Variants in C4orf50 observed in about 807,000 individuals in gnomAD.
C4orf50 encodes chromosome 4 open reading frame 50.
A neutral mutation model predicts 77.2 loss-of-function variants in C4orf50; 80 were observed. The observed-to-expected ratio is 1.04, with a 90% CI of 0.87 to 1.25. The LOEUF is 1.25. Ranked by LOEUF, C4orf50 falls within the 50% of genes most tolerant of loss-of-function variation. The pLI, the probability that C4orf50 is intolerant of heterozygous loss-of-function variation, is 0.00. For missense variants in C4orf50, 1,257 were observed against 1,152.9 expected (o/e 1.09, Z -1.31); for synonymous variants, 532 against 465.3 (o/e 1.14, Z -1.84).
chr4:6,015,518 G>GA lies in C4orf50; in HGVS notation c.287+2626dup, dbSNP rs11464608. On this transcript the variant is annotated intron_variant, in intron 23 of 33. Transcript: ENST00000531445. The surrounding 1 kb of genome is among the most constrained non-coding windows in gnomAD (Gnocchi z 4.4). ...TGCCATTTCATTATAATGTTGATGA[G>GA]AAAAAAAAAGATTCCCAGCCAGGGC... Among the ~76,000 whole-genome samples, 118,123 of 150,698 alleles carry GA rather than the reference G, an allele frequency of 0.78. 46,482 individuals carry two copies. The highest frequency in any genetic ancestry group is 0.99 in the East Asian group (5,059 of 5,118).
At chr4:5,949,724 C>T (rs896156432) in intron 7 of C4orf50, among the ~76,000 whole-genome samples, 4 of 152,294 alleles carry the variant, frequency 2.6e-5, no homozygotes, top group Admixed American at 6.5e-5. Context: ...CAGTGGCTCA[C>T]GTCTGTAATC....
downstream of C4orf50, among the ~76,000 whole-genome samples, chr4:5,954,307 C>T (rs114480326): frequency 8.0e-4 from 122 of 152,166 alleles, no homozygotes; most frequent in African/African-American, 2.6e-3. The surrounding 1 kb of genome is among the most constrained non-coding windows in gnomAD (Gnocchi z 4.7). Flanking sequence ...GACCCAGCCC[C>T]GGGGCTGGGC....
At chr4:5,971,571 T>C (rs565774945) in intron 31 of C4orf50, among the ~76,000 whole-genome samples, 9 of 152,246 alleles carry the variant, frequency 5.9e-5, no homozygotes, top group Middle Eastern at 3.4e-3. Flanking sequence ...TTATAGGAAA[T>C]GAATGAATCC....
At chr4:5,910,903 C>CT (rs1716774908) in intron 7 of C4orf50, among the ~76,000 whole-genome samples, 1 of 75,638 alleles carries the variant, frequency 1.3e-5, no homozygotes, top group Non-Finnish European at 2.6e-5. Context: ...TCTTCCCTTT[C>CT]TTTCTTTTTT....
chr4:6,016,247 T>C (rs1179259022), intron 23 of C4orf50, among the ~76,000 whole-genome samples: 1 of 152,186 alleles, frequency 6.6e-6, no homozygotes, highest in Non-Finnish European at 1.5e-5. Flanking sequence ...TCAATTAGCC[T>C]ATGGTCAAAT....
chr4:5,926,872 C>G (rs1436286696), intron 7 of C4orf50, among the ~76,000 whole-genome samples: 4 of 152,170 alleles, frequency 2.6e-5, no homozygotes, highest in African/African-American at 9.7e-5. Flanking sequence ...CATCCATATT[C>G]ATTCATTCAC....
At chr4:6,012,823 C>G (rs1722542238) in intron 23 of C4orf50, among the ~76,000 whole-genome samples, 1 of 152,250 alleles carries the variant, frequency 6.6e-6, no homozygotes, top group Non-Finnish European at 1.5e-5. Context: ...GCCTGTCTCC[C>G]ACTGTGCCTA....
chr4:5,948,978 A>AT (rs1233398521), intron 7 of C4orf50, among the ~76,000 whole-genome samples: 3 of 151,366 alleles, frequency 2.0e-5, no homozygotes, highest in African/African-American at 7.3e-5. Flanking sequence ...AAAAAAAAAA[A>AT]ATAGAGAAAG....
rs145188570 is a variant in C4orf50, at chr4:5,990,590, G to A, written c.1456C>T (p.Pro486Ser). The change falls in exon 28 of 34, where the codon CCC (proline) becomes TCC (serine). Residue 486 changes from proline to serine, a missense_variant. Transcript: ENST00000531445. ...TCTTGGATTTTTTGTCCATCTGAGG[G>A]AACCTCCTGGAGCAGCAGTGGTCGC... 1,188 of 399,104 alleles carry A rather than the reference G, an allele frequency of 3.0e-3. 13 individuals carry two copies. Among genetic ancestry groups the A allele is most frequent in the African/African-American group, 0.022 (1,080 of 48,730 alleles). 24.7% of individuals were successfully genotyped at this position (399,104 alleles called of 1,614,324 possible).
intron 25 of C4orf50, among the ~76,000 whole-genome samples, chr4:6,001,454 C>G (rs1721827248): frequency 6.6e-6 from 1 of 152,222 alleles, no homozygotes; most frequent in South Asian, 2.1e-4. Context: ...CAATCACGGT[C>G]TCTTGGGTTC....
intron 29 of C4orf50, among the ~76,000 whole-genome samples, chr4:5,976,276 T>A (rs1720275980): frequency 6.7e-6 from 1 of 150,224 alleles, no homozygotes; most frequent in Admixed American, 6.6e-5. Context: ...AAACCCCATC[T>A]CTACTAAAAA....
chr4:6,013,490 T>C (rs1722562682), intron 23 of C4orf50, among the ~76,000 whole-genome samples: 1 of 152,168 alleles, frequency 6.6e-6, no homozygotes, highest in Admixed American at 6.5e-5. Context: ...TTTGGCAGGG[T>C]GAATTTTGGC....
intron 7 of C4orf50, among the ~76,000 whole-genome samples, chr4:5,936,302 C>T (rs1718010359): frequency 1.3e-5 from 2 of 152,046 alleles, no homozygotes; most frequent in Admixed American, 6.5e-5. Context: ...TGGCTCATGC[C>T]TGTAATCCCA....
At chr4:5,972,008 AT>A (rs33971925) in intron 31 of C4orf50, among the ~76,000 whole-genome samples, 31,722 of 139,910 alleles carry the variant, frequency 0.23, 3,805 homozygotes, top group African/African-American at 0.37. Context: ...TCTGCTTTCG[AT>A]TTTTTTTTTT....
At chr4:5,941,966 C>G (rs1718288364) in intron 7 of C4orf50, among the ~76,000 whole-genome samples, 2 of 152,158 alleles carry the variant, frequency 1.3e-5, no homozygotes, top group South Asian at 4.1e-4. Context: ...CCAAAAGCGC[C>G]TCCAATTATC....
At chr4:5,912,336 A>C (rs940699524) in intron 7 of C4orf50, among the ~76,000 whole-genome samples, 7 of 151,996 alleles carry the variant, frequency 4.6e-5, no homozygotes, top group Non-Finnish European at 8.8e-5. Flanking sequence ...GAATGGATGC[A>C]TGAATGAATG....
At chr4:5,984,028 T>C (rs1235052053) in intron 28 of C4orf50, among the ~76,000 whole-genome samples, 1 of 152,198 alleles carries the variant, frequency 6.6e-6, no homozygotes, top group African/African-American at 2.4e-5. Flanking sequence ...AAAGCCAAAA[T>C]GGAGAGCACT....
intron 25 of C4orf50, among the ~76,000 whole-genome samples, chr4:5,994,961 G>C (rs1224006376): frequency 6.6e-6 from 1 of 152,220 alleles, no homozygotes; most frequent in Non-Finnish European, 1.5e-5. Context: ...AGAGATCTAG[G>C]TTGGGTGCTC....
At chr4:5,912,890 G>T (rs969144133) in intron 7 of C4orf50, among the ~76,000 whole-genome samples, 5 of 152,316 alleles carry the variant, frequency 3.3e-5, no homozygotes, top group African/African-American at 1.2e-4. Flanking sequence ...ATGACATGTG[G>T]CAGGGGAAAT....
Sources: gnomAD v4.1 joint callset for allele counts (sites outside exome capture counted in the v4.1 genomes callset) on GRCh38, gnomAD v4.1.1 for gene constraint, Gnocchi (gnomAD v3.1) non-coding constraint, MANE v1.5 for transcripts, NCBI Gene and HGNC (gene_info 2026-07-23, HGNC 2026-07-21) for gene names.